Variants in ROBO2 observed in about 807,000 individuals in gnomAD.
ROBO2 encodes the protein roundabout homolog 2.
In ROBO2, 53 loss-of-function variants were observed where a neutral mutation model predicts 160.8. The observed-to-expected ratio is 0.33, with a 90% CI of 0.26 to 0.41. ROBO2 has a LOEUF of 0.41. Ranked by LOEUF, ROBO2 falls within the 10% of genes least tolerant of loss-of-function variation. The probability of loss-of-function intolerance (pLI) is 1.00; values close to 1 mark genes in which losing one functional copy is unlikely to be tolerated. For missense variants in ROBO2, 1,577 were observed against 1,722.4 expected, an observed-to-expected ratio of 0.92 and a Z score of 1.49; for synonymous variants, 664 against 611.7, an observed-to-expected ratio of 1.09 and a Z score of -1.26.
Position 76,172,053 on chromosome 3 carries a change from A to G in ROBO2, c.109+234451A>G, listed in dbSNP as rs1379947651. On this transcript the variant is annotated intron_variant, in intron 2 of 26. Transcript: ENST00000487694. ...CTCCTAAGTTTTTCATATAATGAGC[A>G]GGCCCAAACCACACAGCAAAACTTT... Among the ~76,000 whole-genome samples, 3 of 152,164 alleles carry G rather than the reference A, an allele frequency of 2.0e-5. No homozygotes were observed. In the East Asian group the frequency reaches 5.8e-4, roughly 29 times the overall value.
At chr3:76,597,378 GAAGGTATACCA>G (rs1360689262) in intron 2 of ROBO2, among the ~76,000 whole-genome samples, 35 of 152,016 alleles carry the variant, frequency 2.3e-4, no homozygotes, top group African/African-American at 8.4e-4. Flanking sequence ...GACTAATATT[GAAGGTATACCA>G]AAAAATCTCT....
chr3:76,472,112 T>C (rs62263797), intron 2 of ROBO2, among the ~76,000 whole-genome samples: 10,388 of 84,368 alleles, frequency 0.12, 589 homozygotes, highest in African/African-American at 0.18. Context: ...CGCGTGTGCG[T>C]GCGCATGTGT....
intron 2 of ROBO2, among the ~76,000 whole-genome samples, chr3:77,286,356 G>A (rs1303886550): frequency 1.4e-5 from 2 of 147,128 alleles, no homozygotes; most frequent in Non-Finnish European, 3.0e-5. Flanking sequence ...TCCCAAGTTC[G>A]AACGATTCTT....
At chr3:77,166,019 AG>A (rs1277815066) in intron 2 of ROBO2, among the ~76,000 whole-genome samples, 1 of 152,208 alleles carries the variant, frequency 6.6e-6, no homozygotes, top group East Asian at 1.9e-4. Flanking sequence ...TGTTATTTGC[AG>A]ATGGTGATAC....
At chr3:77,367,314 A>ATCT (rs2153473827) in intron 2 of ROBO2, among the ~76,000 whole-genome samples, 1 of 152,240 alleles carries the variant, frequency 6.6e-6, no homozygotes, top group African/African-American at 2.4e-5. Flanking sequence ...TTTTCTAAGG[A>ATCT]AATGATTAGA....
At chr3:77,265,887 A>T (rs936066753) in intron 2 of ROBO2, among the ~76,000 whole-genome samples, 7 of 152,166 alleles carry the variant, frequency 4.6e-5, no homozygotes, top group Non-Finnish European at 8.8e-5. Context: ...GGAGTATTTA[A>T]AGAAATGCAT....
At chr3:76,881,413 GT>G (rs1163505928) in intron 2 of ROBO2, among the ~76,000 whole-genome samples, 1 of 152,074 alleles carries the variant, frequency 6.6e-6, no homozygotes, top group Non-Finnish European at 1.5e-5. Context: ...TATTTCTTGC[GT>G]TTTAAACTTA....
chr3:77,239,569 C>A (rs1389042112), intron 2 of ROBO2, among the ~76,000 whole-genome samples: 3 of 152,234 alleles, frequency 2.0e-5, no homozygotes, highest in Admixed American at 6.5e-5. Context: ...TGACCCCACC[C>A]ACATCTTGCT....
chr3:76,389,888 C>T (rs1020320183), intron 2 of ROBO2, among the ~76,000 whole-genome samples: 9 of 152,022 alleles, frequency 5.9e-5, no homozygotes, highest in Non-Finnish European at 1.2e-4. Context: ...TCTGTGTTAC[C>T]GTTTGCATCT....
chr3:77,433,263 G>A (rs2078958508), intron 2 of ROBO2, among the ~76,000 whole-genome samples: 1 of 151,806 alleles, frequency 6.6e-6, no homozygotes, highest in African/African-American at 2.4e-5. Context: ...GTGAGCAGGG[G>A]TTCCCAGACT....
intron 2 of ROBO2, among the ~76,000 whole-genome samples, chr3:75,975,753 AT>A (rs2065118158): frequency 6.6e-6 from 1 of 151,636 alleles, no homozygotes; most frequent in African/African-American, 2.4e-5. Flanking sequence ...TAAATCCAAG[AT>A]TATGTGTGTA....
intron 2 of ROBO2, among the ~76,000 whole-genome samples, chr3:76,414,165 C>A (rs1364866951): frequency 6.6e-6 from 1 of 152,166 alleles, no homozygotes; most frequent in Non-Finnish European, 1.5e-5. Context: ...TGGTCCCTCT[C>A]ACAACATGGG....
At position 77,244,205 on chromosome 3, in the gene ROBO2, C is replaced by T. The variant is rs183333494; in HGVS notation, c.388+145865C>T. ...AGTACCTTTTCCTCAATAAAGGCAA[C>T]TTACTGGAAGAATCATGTTTTAGTG... On this transcript the variant is annotated intron_variant, in intron 2 of 25. Coordinates refer to ENST00000461745, the Ensembl canonical transcript of ROBO2. Among the ~76,000 whole-genome samples the T allele has an allele frequency of 2.0e-5, 3 of 152,246 alleles. No individual in the cohort carries two copies. In the East Asian group the frequency reaches 5.8e-4, roughly 29 times the overall value.
chr3:76,406,992 G>A (rs2075226142), intron 2 of ROBO2, among the ~76,000 whole-genome samples: 3 of 135,562 alleles, frequency 2.2e-5, no homozygotes, highest in African/African-American at 8.9e-5. Flanking sequence ...AGACCACCCT[G>A]AGTTGTTTTT....
intron 2 of ROBO2, among the ~76,000 whole-genome samples, chr3:76,429,718 A>C (rs1175768814): frequency 6.6e-6 from 1 of 152,206 alleles, no homozygotes; most frequent in East Asian, 1.9e-4. Context: ...AGGTTTACAG[A>C]AACTGCAACT....
At chr3:76,104,131 A>G (rs1159331048) in intron 2 of ROBO2, among the ~76,000 whole-genome samples, 1 of 152,216 alleles carries the variant, frequency 6.6e-6, no homozygotes, top group Admixed American at 6.5e-5. Flanking sequence ...CCTAGAAAAC[A>G]AATCTGGAGA....
At chr3:76,690,287 G>GTA (rs1560383022) in intron 2 of ROBO2, among the ~76,000 whole-genome samples, 1 of 152,002 alleles carries the variant, frequency 6.6e-6, no homozygotes, top group East Asian at 1.9e-4. Context: ...GTGTCCACCC[G>GTA]TATTTGTTTT....
chr3:77,093,531 C>T lies in ROBO2; in HGVS notation c.62-4483C>T, dbSNP rs555069277. On this transcript the variant is annotated intron_variant, in intron 1 of 25. Coordinates refer to ENST00000461745, the Ensembl canonical transcript of ROBO2. ...ATATGATGAAAGCTACACCCCCAACCCCACACCACCACTACTGCCTCCCCC... is the reference window on the plus strand; with the variant it reads ...ATATGATGAAAGCTACACCCCCAACTCCACACCACCACTACTGCCTCCCCC... Among the ~76,000 whole-genome samples, 47 of 152,212 alleles carry T rather than the reference C, an allele frequency of 3.1e-4. 2 individuals are homozygous for T. In the South Asian group the frequency reaches 9.7e-3, roughly 32 times the overall value.
In ROBO2 at chr3:76,469,116, C is replaced by T. The variant is rs528317149; in HGVS notation, c.109+531514C>T. ...TTAATAGTGAATTCTACTTCTTATTCCCCGACCCCACAGTCAAATGACCAT... is the reference window on the plus strand; with the variant it reads ...TTAATAGTGAATTCTACTTCTTATTTCCCGACCCCACAGTCAAATGACCAT... On this transcript the variant is annotated intron_variant, in intron 2 of 26. Transcript: ENST00000487694. Among the ~76,000 whole-genome samples the T allele has an allele frequency of 2.2e-4, 33 of 152,078 alleles. 1 individual carries two copies. Among genetic ancestry groups the T allele is most frequent in the South Asian group, 2.1e-3 (10 of 4,826 alleles).
Sources: allele counts gnomAD v4.1 joint callset (sites outside exome capture counted in the v4.1 genomes callset), GRCh38; gene constraint gnomAD v4.1.1; transcripts MANE v1.5; gene names NCBI Gene and HGNC (gene_info 2026-07-23, HGNC 2026-07-21).